CCDC91: variants seen among roughly 807,000 people sequenced by gnomAD.
The protein encoded by CCDC91 is coiled-coil domain containing 91.
Under a neutral mutation model 63.2 loss-of-function variants are expected in CCDC91, and 48 were observed. The observed-to-expected ratio is 0.76, with a 90% CI of 0.60 to 0.97. The LOEUF is 0.97. Among genes scored for constraint, CCDC91 ranks in the 50% least tolerant of loss-of-function variants. The pLI, the probability that CCDC91 is intolerant of heterozygous loss-of-function variation, is 0.00. For synonymous variants in CCDC91, 167 were observed against 165.8 expected, an observed-to-expected ratio of 1.01 and a Z score of -0.06; for missense variants, 500 against 494.6, an observed-to-expected ratio of 1.01 and a Z score of -0.10.
At chr12:28,338,494 A>G (rs541683929) in intron 6 of CCDC91, among the ~76,000 whole-genome samples, 4 of 152,266 alleles carry the variant, frequency 2.6e-5, no homozygotes, top group Admixed American at 2.0e-4. Context: ...ATGTGCTTTC[A>G]GAAAGTACAA....
intron 12 of CCDC91, among the ~76,000 whole-genome samples, chr12:28,488,237 C>A (rs1951823380): frequency 6.6e-6 from 1 of 151,596 alleles, no homozygotes; most frequent in Non-Finnish European, 1.5e-5. Flanking sequence ...TTTAAAAATA[C>A]CTAGTATTCG....
intron 1 of CCDC91, among the ~76,000 whole-genome samples, chr12:28,243,993 C>T (rs1023354032): frequency 7.2e-5 from 11 of 152,172 alleles, no homozygotes; most frequent in African/African-American, 2.4e-4. Context: ...ATGTATTTCA[C>T]TTTTAATATA....
intron 3 of CCDC91, chr12:28,302,613 G>T (rs1247901224): frequency 1.0e-6 from 1 of 982,866 alleles, no homozygotes; most frequent in Non-Finnish European, 1.2e-6. Flanking sequence ...CTCTGACGGG[G>T]CAGAGTCAGG....
Position 28,432,668 on chromosome 12 carries a change from A to G in CCDC91, c.763-17493A>G, listed in dbSNP as rs141094724. Among the ~76,000 whole-genome samples the G allele has an allele frequency of 4.9e-3, 752 of 152,216 alleles. 21 individuals are homozygous for G. The South Asian group carries it at 0.088, about 18-fold the overall frequency. On this transcript the variant is annotated intron_variant, in intron 8 of 12. Coordinates refer to ENST00000536442, the MANE Select transcript of CCDC91 (RefSeq NM_018318.5). Reference sequence around the variant, plus strand: ...GCTGCCAAGTTTTGGCAATAGATAAAATGGATGTAAACATCCATGTGCATG... The same window carrying G: ...GCTGCCAAGTTTTGGCAATAGATAAGATGGATGTAAACATCCATGTGCATG...
At chr12:28,196,718 T>C (rs1319086259) in intron 1 of CCDC91, among the ~76,000 whole-genome samples, 1 of 152,162 alleles carries the variant, frequency 6.6e-6, no homozygotes, top group Admixed American at 6.5e-5. Context: ...CAGTAGAAAG[T>C]TGGAAATAAA....
chr12:28,395,458 T>TA (rs1472238826), intron 8 of CCDC91, among the ~76,000 whole-genome samples: 1 of 152,200 alleles, frequency 6.6e-6, no homozygotes, highest in East Asian at 1.9e-4. Context: ...ACTACAGTGT[T>TA]ATGAGTTTCC....
intron 12 of CCDC91, among the ~76,000 whole-genome samples, chr12:28,509,508 A>T (rs1334448603): frequency 6.6e-6 from 1 of 151,938 alleles, no homozygotes; most frequent in Non-Finnish European, 1.5e-5. Flanking sequence ...GGAGTATAAT[A>T]CACATCAACA....
At chr12:28,516,126 A>C (rs1939917423) in intron 12 of CCDC91, among the ~76,000 whole-genome samples, 1 of 151,920 alleles carries the variant, frequency 6.6e-6, no homozygotes, top group Non-Finnish European at 1.5e-5. Flanking sequence ...GACAAGTTTA[A>C]TATAAAAGCC....
chr12:28,399,272 G>A (rs1288956764), intron 8 of CCDC91, among the ~76,000 whole-genome samples: 2 of 152,224 alleles, frequency 1.3e-5, no homozygotes, highest in South Asian at 2.1e-4. Context: ...GAGAAATACC[G>A]AGCAAAGGGG....
At chr12:28,213,752 G>A (rs1565620516) in intron 1 of CCDC91, among the ~76,000 whole-genome samples, 1 of 152,158 alleles carries the variant, frequency 6.6e-6, no homozygotes, top group Non-Finnish European at 1.5e-5. Context: ...TCACCTCACA[G>A]CAAAAGAAAT....
chr12:28,443,297 CT>C (rs1949329954), intron 8 of CCDC91, among the ~76,000 whole-genome samples: 1 of 150,306 alleles, frequency 6.7e-6, no homozygotes, highest in Admixed American at 6.6e-5. Flanking sequence ...TTCCATTTTT[CT>C]TGTCAGAACT....
At chr12:28,487,849 T>TA (rs1480941702) in intron 12 of CCDC91, among the ~76,000 whole-genome samples, 2 of 151,942 alleles carry the variant, frequency 1.3e-5, no homozygotes, top group African/African-American at 4.8e-5. Flanking sequence ...TAGTAGTCTT[T>TA]CATTAGACAT....
At chr12:28,548,978 G>T in intron 12 of CCDC91, 85 bp from the exon 13 acceptor site, 1 of 867,244 alleles carries the variant, frequency 1.2e-6, no homozygotes, top group Non-Finnish European at 1.8e-6. Flanking sequence ...GTTTTTTCTA[G>T]TGGGCTTCAG....
chr12:28,379,943 A>T (rs1369129211), intron 7 of CCDC91, among the ~76,000 whole-genome samples: 2 of 152,186 alleles, frequency 1.3e-5, no homozygotes, highest in African/African-American at 4.8e-5. Flanking sequence ...ACCCAGTGAT[A>T]GACTGGATTA....
intron 12 of CCDC91, among the ~76,000 whole-genome samples, chr12:28,538,056 C>CT (rs903818017): frequency 1.4e-5 from 2 of 140,780 alleles, no homozygotes; most frequent in South Asian, 2.2e-4. Context: ...TGTTCTTTTT[C>CT]TTTTTTTTCT....
chr12:28,287,096 G>A (rs114991047), intron 3 of CCDC91, among the ~76,000 whole-genome samples: 2,972 of 151,930 alleles, frequency 0.02, 108 homozygotes, highest in African/African-American at 0.069. Context: ...CCTTATAGAT[G>A]TTGGATATCA....
At chr12:28,369,448 G>A (rs1480218097) in intron 7 of CCDC91, among the ~76,000 whole-genome samples, 1 of 152,188 alleles carries the variant, frequency 6.6e-6, no homozygotes, top group Non-Finnish European at 1.5e-5. Flanking sequence ...TCCCCCTGAG[G>A]CTCTGCGGGG....
At chr12:28,523,309 A>G (rs1168775701) in intron 12 of CCDC91, among the ~76,000 whole-genome samples, 1 of 152,136 alleles carries the variant, frequency 6.6e-6, no homozygotes, top group Non-Finnish European at 1.5e-5. Flanking sequence ...TGTTGAATTG[A>G]TCCCTTTACC....
In CCDC91 at chr12:28,273,614, G is replaced by A. The variant is rs577338625; in HGVS notation, c.109+14172G>A. ...AGTGATGATGAGCATTTTTTCATGTGTCTTTTGGCTGCATAAATGTCTTCT... is the reference window on the plus strand; with the variant it reads ...AGTGATGATGAGCATTTTTTCATGTATCTTTTGGCTGCATAAATGTCTTCT... On this transcript the variant is annotated intron_variant, in intron 3 of 12. Transcript: ENST00000536442. 1.0e-3 allele frequency among the ~76,000 whole-genome samples: 156 copies of A among 152,188 alleles called. 1 individual carries two copies. Among genetic ancestry groups the A allele is most frequent in the African/African-American group, 3.4e-3 (141 of 41,534 alleles).
Sources: allele counts gnomAD v4.1 joint callset (sites outside exome capture counted in the v4.1 genomes callset), GRCh38; gene constraint gnomAD v4.1.1; transcripts MANE v1.5; gene names NCBI Gene and HGNC (gene_info 2026-07-23, HGNC 2026-07-21).